The following UGT1A10 variants were observed in gnomAD, a reference collection of about 807,000 sequenced individuals.
UGT1A10 encodes UDP-glucuronosyltransferase 1A10.
UGT1A10 carries 49 observed loss-of-function variants against 45.8 expected under a neutral mutation model. The observed-to-expected ratio is 1.07, with a 90% CI of 0.85 to 1.36. The LOEUF is 1.36. UGT1A10 is among the 40% of genes most tolerant of loss of function. The probability of loss-of-function intolerance (pLI) is 0.00; values close to 1 mark genes in which losing one functional copy is unlikely to be tolerated. For missense variants in UGT1A10, 745 were observed against 668.6 expected (o/e 1.11, Z -1.26); for synonymous variants, 284 against 249.7 (o/e 1.14, Z -1.29).
intron 1 of UGT1A10, chr2:233,748,094 C>T: frequency 6.2e-7 from 1 of 1,612,860 alleles, no homozygotes; most frequent in Non-Finnish European, 8.5e-7. Flanking sequence ...GTGTTCGTGC[C>T]TTCATCCAAT....
At chr2:233,701,658 T>C (rs1262453541) in intron 1 of UGT1A10, among the ~76,000 whole-genome samples, 1 of 152,222 alleles carries the variant, frequency 6.6e-6, no homozygotes, top group East Asian at 1.9e-4. Flanking sequence ...CAGACCACAG[T>C]GCAATCAAAC....
Position 233,682,180 on chromosome 2 carries a change from C to A in UGT1A10, c.855+44803C>A, listed in dbSNP as rs149618508. 2.2e-4 allele frequency: 351 copies of A among 1,614,216 alleles called. No individual in the cohort carries two copies. In the African/African-American group the frequency reaches 4.2e-3, roughly 19 times the overall value. ...CAGTGAAGACTTACTCAACCTCATACACTCTGGAGGATCAGGACCGGGAGT... is the reference window on the plus strand; with the variant it reads ...CAGTGAAGACTTACTCAACCTCATAAACTCTGGAGGATCAGGACCGGGAGT... On this transcript the variant is annotated intron_variant, in intron 1 of 4. Transcript: ENST00000344644.
At chr2:233,678,520 GT>G (rs1347609986) in intron 1 of UGT1A10, among the ~76,000 whole-genome samples, 4 of 152,098 alleles carry the variant, frequency 2.6e-5, no homozygotes, top group Middle Eastern at 6.8e-3. Flanking sequence ...ATTACTGTCT[GT>G]TTTTTTCTCT....
intron 1 of UGT1A10, among the ~76,000 whole-genome samples, chr2:233,644,704 A>G (rs1231053080): frequency 6.6e-6 from 1 of 152,196 alleles, no homozygotes; most frequent in African/African-American, 2.4e-5. Flanking sequence ...ACCAGGGCTC[A>G]GGGATTCTCT....
intron 1 of UGT1A10, among the ~76,000 whole-genome samples, chr2:233,707,043 G>C (rs561019042): frequency 3.9e-5 from 6 of 152,134 alleles, no homozygotes; most frequent in South Asian, 2.1e-4. Context: ...GGTAGAGGAA[G>C]CTGCTCAGGT....
At chr2:233,641,942 C>T (rs2073464695) in intron 1 of UGT1A10, among the ~76,000 whole-genome samples, 2 of 152,068 alleles carry the variant, frequency 1.3e-5, no homozygotes, top group South Asian at 4.2e-4. Context: ...TTTTCTTTAT[C>T]CTTGACCTTT....
At chr2:233,661,589 C>G (rs1382702400) in intron 1 of UGT1A10, among the ~76,000 whole-genome samples, 1 of 150,304 alleles carries the variant, frequency 6.7e-6, no homozygotes, top group Non-Finnish European at 1.5e-5. Flanking sequence ...AGGTTTGAAG[C>G]CTGCTGGCAT....
chr2:233,682,155 C>T, intron 1 of UGT1A10: 5 of 1,614,196 alleles, frequency 3.1e-6, no homozygotes, highest in Non-Finnish European at 4.2e-6. Flanking sequence ...CTGAATTGCA[C>T]AGTGAAGACT....
At chr2:233,748,608 C>T (rs1265158966) in intron 1 of UGT1A10, among the ~76,000 whole-genome samples, 3 of 151,644 alleles carry the variant, frequency 2.0e-5, no homozygotes, top group African/African-American at 4.9e-5. Flanking sequence ...AGTAGAGCAA[C>T]GAACGTGGGA....
intron 1 of UGT1A10, among the ~76,000 whole-genome samples, chr2:233,751,050 G>T (rs1201577547): frequency 6.6e-6 from 1 of 151,910 alleles, no homozygotes; most frequent in Non-Finnish European, 1.5e-5. Context: ...GCCTGGAAAA[G>T]ACACAGACAC....
rs12471326 is a variant in UGT1A10 at position 233,767,812 on chromosome 2, T to C, written c.988-37T>C. ...AGATTTGTTTTCTAATCATATTATGTTCTTTCTTTACGTTCTGCTCTTTTT... is the reference window on the plus strand; with the variant it reads ...AGATTTGTTTTCTAATCATATTATGCTCTTTCTTTACGTTCTGCTCTTTTT... On this transcript the variant is annotated intron_variant, in intron 2 of 4. Transcript: ENST00000344644. The C allele has an allele frequency of 0.03, 48,630 of 1,614,140 alleles. 974 individuals are homozygous for C. The highest frequency in any genetic ancestry group is 0.09 in the Admixed American group (5,377 of 60,016).
Position 233,772,516 on chromosome 2 carries a change from A to T in UGT1A10, c.1550A>T (p.Lys517Ile). The T allele has an allele frequency of 1.2e-6, 2 of 1,614,208 alleles. No individual in the cohort carries two copies. Among genetic ancestry groups the T allele is most frequent in the Non-Finnish European group, 1.7e-6 (2 of 1,180,034 alleles). Reference protein sequence around the residue: ...CAYGYRKCLGKKGRVKKAHKS... With the variant: ...CAYGYRKCLGIKGRVKKAHKS... ...TATGGCTACCGGAAATGCTTGGGGAAAAAAGGGCGAGTTAAGAAAGCCCAC... is the reference window on the plus strand; with the variant it reads ...TATGGCTACCGGAAATGCTTGGGGATAAAAGGGCGAGTTAAGAAAGCCCAC... The change falls in exon 5 of 5, where the codon AAA becomes ATA. Residue 517 changes from lysine (K) to isoleucine (I), a missense_variant. By Grantham distance (102) the Lys-to-Ile change is moderately radical. Transcript: ENST00000344644.
chr2:233,711,532 G>T (rs1296354324), intron 1 of UGT1A10, among the ~76,000 whole-genome samples: 2 of 152,124 alleles, frequency 1.3e-5, no homozygotes, highest in African/African-American at 4.8e-5. Flanking sequence ...ACAACTCCCC[G>T]GGAATCATCC....
chr2:233,768,409 A>G lies in UGT1A10; in HGVS notation c.1265A>G (p.Asn422Ser). ...GAAATGACTTCTGAAGATTTAGAAA[A>G]TGCTCTAAAAGCAGTCATCAATGAC... ...VLEMTSEDLE[N>S]ALKAVINDKS... is the part of the protein sequence containing the mutation. The change falls in exon 4 of 5, where the codon AAT becomes AGT. Residue 422 changes from asparagine to serine, a missense_variant. Asn to Ser is a conservative substitution (Grantham distance 46, BLOSUM62 1). Coordinates refer to ENST00000344644, the MANE Select transcript of UGT1A10 (RefSeq NM_019075.4). 1 of 1,614,180 alleles carries G rather than the reference A, an allele frequency of 6.2e-7. No homozygotes were observed. Among genetic ancestry groups the G allele is most frequent in the South Asian group, 1.1e-5 (1 of 91,082 alleles).
intron 1 of UGT1A10, among the ~76,000 whole-genome samples, chr2:233,677,134 G>A (rs28970014): frequency 0.028 from 4,186 of 152,208 alleles, 180 homozygotes; most frequent in African/African-American, 0.096. Context: ...ATCAACTGGG[G>A]AGAAACAACA....
intron 1 of UGT1A10, among the ~76,000 whole-genome samples, chr2:233,756,947 C>T (rs1471730406): frequency 2.6e-5 from 4 of 152,070 alleles, no homozygotes; most frequent in East Asian, 1.9e-4. Context: ...ACCTGAAACC[C>T]GGACTTGGCA....
chr2:233,661,631 C>CTTTCT lies in UGT1A10; in HGVS notation c.855+24257_855+24261dup, dbSNP rs1389850136. On this transcript the variant is annotated intron_variant, in intron 1 of 4. Coordinates refer to ENST00000344644, the MANE Select transcript of UGT1A10 (RefSeq NM_019075.4). Reference sequence around the variant, plus strand: ...AGTGAAGACTTACTGAATTTTCTTTCTTTCTTTCTTTCTTTCTTTCTTTCT... The same window carrying CTTTCT: ...AGTGAAGACTTACTGAATTTTCTTTCTTTCTTTTCTTTCTTTCTTTCTTTCTTTCT... Among the ~76,000 whole-genome samples the CTTTCT allele has an allele frequency of 5.7e-3, 699 of 122,406 alleles. 17 individuals carry two copies. The highest frequency in any genetic ancestry group is 6.7e-3 in the South Asian group (24 of 3,566). The allele number at this position is 122,406 out of a possible 152,430, so 80.3% of individuals were successfully genotyped here. A position where few individuals can be genotyped will look rare whatever the true frequency, so the allele number is the denominator to read the frequency against.
At chr2:233,639,513 G>A (rs866882359) in intron 1 of UGT1A10, among the ~76,000 whole-genome samples, 2 of 152,300 alleles carry the variant, frequency 1.3e-5, no homozygotes, top group African/African-American at 4.8e-5. Context: ...GTTACATCTT[G>A]CTGGGAAACA....
chr2:233,695,766 G>C (rs2125565233), intron 1 of UGT1A10, among the ~76,000 whole-genome samples: 1 of 152,106 alleles, frequency 6.6e-6, no homozygotes, highest in South Asian at 2.1e-4. Context: ...CCTTTTTTAT[G>C]GCTGAATAAT....
Sources: allele counts gnomAD v4.1 joint callset (sites outside exome capture counted in the v4.1 genomes callset), GRCh38; gene constraint gnomAD v4.1.1; transcripts MANE v1.5; gene names NCBI Gene and HGNC (gene_info 2026-07-23, HGNC 2026-07-21).